Variants in ZFHX3 observed in about 807,000 individuals in gnomAD.
ZFHX3 encodes the protein zinc finger homeobox protein 3.
Under a neutral mutation model 279.1 loss-of-function variants are expected in ZFHX3, and 42 were observed. That is an observed-to-expected ratio of 0.15 (90% CI 0.12 to 0.19). The LOEUF (loss-of-function observed/expected upper bound fraction) is 0.19, where lower values mean the gene tolerates loss of function less well. Ranked by LOEUF, ZFHX3 falls within the 10% of genes least tolerant of loss-of-function variation. The pLI, the probability that ZFHX3 is intolerant of heterozygous loss-of-function variation, is 1.00. For synonymous variants in ZFHX3, 2,293 were observed against 1,957.8 expected (o/e 1.17, Z -4.52); for missense variants, 4,981 against 4,754.0 (o/e 1.05, Z -1.40).
At chr16:73,579,771 A>G (rs2051838625) in intron 2 of ZFHX3, among the ~76,000 whole-genome samples, 1 of 149,044 alleles carries the variant, frequency 6.7e-6, no homozygotes, top group Non-Finnish European at 1.5e-5. Flanking sequence ...CAAAGTGTAT[A>G]AATTTTAATT....
intron 2 of ZFHX3, among the ~76,000 whole-genome samples, chr16:73,589,971 G>C (rs1048090614): frequency 1.3e-5 from 2 of 152,050 alleles, no homozygotes; most frequent in Admixed American, 6.6e-5. Flanking sequence ...CATCTAAATG[G>C]AATGTACTCT....
At chr16:73,535,913 G>A (rs1012827869) in intron 2 of ZFHX3, among the ~76,000 whole-genome samples, 5 of 151,766 alleles carry the variant, frequency 3.3e-5, no homozygotes, top group African/African-American at 4.8e-5. Flanking sequence ...TAGTAGAGAC[G>A]GGGTTTCACC....
At chr16:73,274,519 T>C (rs2014240009) in intron 4 of ZFHX3, among the ~76,000 whole-genome samples, 1 of 152,220 alleles carries the variant, frequency 6.6e-6, no homozygotes, top group South Asian at 2.1e-4. Context: ...TGGAATTTAT[T>C]TGGGTTTATT....
rs574892822 is a variant in ZFHX3 at position 73,891,461 on chromosome 16, C to T, written c.-1608+190G>A. On this transcript the variant is annotated intron_variant, in intron 1 of 17. Coordinates refer to the ZFHX3 transcript ENST00000641206. ...AGCTCCCCCACCCTCCTACCCTCCC[C>T]GATCCATAAAGAAAACAGCTACTGA... Among the ~76,000 whole-genome samples, 100 of 152,032 alleles carry T rather than the reference C, an allele frequency of 6.6e-4. 1 individual carries two copies. Among genetic ancestry groups the T allele is most frequent in the Middle Eastern group, 3.4e-3 (1 of 294 alleles).
chr16:73,409,098 T>C (rs1684256628), intron 3 of ZFHX3, among the ~76,000 whole-genome samples: 1 of 152,202 alleles, frequency 6.6e-6, no homozygotes, highest in South Asian at 2.1e-4. Flanking sequence ...ACTTATCTGC[T>C]ATATTAGCAT....
chr16:73,854,280 C>A (rs896058672), intron 1 of ZFHX3, among the ~76,000 whole-genome samples: 1 of 152,230 alleles, frequency 6.6e-6, no homozygotes, highest in African/African-American at 2.4e-5. Flanking sequence ...AATCCCAGAA[C>A]TATGGGAGGC....
chr16:73,635,590 A>G (rs1176580891), intron 2 of ZFHX3, among the ~76,000 whole-genome samples: 1 of 151,920 alleles, frequency 6.6e-6, no homozygotes, highest in Non-Finnish European at 1.5e-5. Flanking sequence ...CTTTTTCCCT[A>G]TTCTCCTTTC....
chr16:73,868,900 C>G (rs1962097981), intron 1 of ZFHX3, among the ~76,000 whole-genome samples: 1 of 152,052 alleles, frequency 6.6e-6, no homozygotes, highest in African/African-American at 2.4e-5. Flanking sequence ...AGCTATTGAC[C>G]TGCTTTTAAA....
intron 5 of ZFHX3, among the ~76,000 whole-genome samples, chr16:73,255,774 A>G (rs1364070080): frequency 6.6e-6 from 1 of 152,208 alleles, no homozygotes; most frequent in African/African-American, 2.4e-5. Flanking sequence ...CACAATCTGC[A>G]AAGCCTGAAA....
intron 3 of ZFHX3, among the ~76,000 whole-genome samples, chr16:73,369,401 C>G (rs185163055): frequency 3.3e-5 from 5 of 152,222 alleles, no homozygotes; most frequent in Non-Finnish European, 7.3e-5. Context: ...GCATCAGAAT[C>G]TTTGCAAATG....
intron 1 of ZFHX3, among the ~76,000 whole-genome samples, chr16:73,011,699 G>C (rs1456147231): frequency 6.6e-6 from 1 of 151,726 alleles, no homozygotes; most frequent in African/African-American, 2.4e-5. Flanking sequence ...TTCCAGGCTA[G>C]TGACAGAGCA....
At position 72,950,524 on chromosome 16, in the gene ZFHX3, T is replaced by A. The variant is rs750275557; in HGVS notation, c.3161A>T (p.Lys1054Met). 6.2e-7 allele frequency: 1 copy of A among 1,614,242 alleles called. No homozygotes were observed. The highest frequency in any genetic ancestry group is 8.5e-7 in the Non-Finnish European group (1 of 1,180,042). ...ACDYYTNSLEKLRLHTVNSRH... is the reference protein window; with the variant it reads ...ACDYYTNSLEMLRLHTVNSRH... ...GGAGTTGACCGTGTGCAGCCGCAGC[T>A]TCTCCAGGCTGTTGGTGTAGTAGTC... is the stretch of plus-strand genomic sequence containing the variant. The change falls in exon 3 of 10, where the codon AAG becomes ATG. Residue 1054 changes from lysine (K) to methionine (M), a missense_variant. Lys to Met is a moderately conservative substitution (Grantham distance 95). Coordinates refer to ENST00000268489, the MANE Select transcript of ZFHX3 (RefSeq NM_006885.4).
At chr16:72,889,047 G>A (rs370243086) in intron 4 of ZFHX3, among the ~76,000 whole-genome samples, 19 of 152,076 alleles carry the variant, frequency 1.2e-4, no homozygotes, top group African/African-American at 3.4e-4. Flanking sequence ...TATGGAAGGC[G>A]GAGTCATGGG....
intron 4 of ZFHX3, among the ~76,000 whole-genome samples, chr16:72,857,403 T>C (rs976583347): frequency 6.6e-6 from 1 of 152,176 alleles, no homozygotes; most frequent in African/African-American, 2.4e-5. Context: ...AAATAAAGAC[T>C]AAGCTGAGTG....
At chr16:73,721,122 T>C (rs1310094013) in intron 1 of ZFHX3, among the ~76,000 whole-genome samples, 1 of 151,808 alleles carries the variant, frequency 6.6e-6, no homozygotes, top group Non-Finnish European at 1.5e-5. Context: ...TATTTTCTTT[T>C]TCTTTCTTTT....
chr16:73,833,554 T>A (rs1961057012), intron 1 of ZFHX3, among the ~76,000 whole-genome samples: 1 of 151,336 alleles, frequency 6.6e-6, no homozygotes. Context: ...AGTTGAACAA[T>A]GAGAACACAC....
At chr16:73,414,570 A>G (rs559590291) in intron 3 of ZFHX3, among the ~76,000 whole-genome samples, 1 of 152,356 alleles carries the variant, frequency 6.6e-6, no homozygotes, top group South Asian at 2.1e-4. Flanking sequence ...GGTAATTAAG[A>G]GGTAGGATCC....
intron 6 of ZFHX3, among the ~76,000 whole-genome samples, chr16:73,136,725 C>CAAAAAAA (rs397855836): frequency 9.6e-5 from 4 of 41,644 alleles, no homozygotes; most frequent in African/African-American, 1.9e-4. Context: ...GACTCTGCCT[C>CAAAAAAA]AAAAAAAAAA....
intron 5 of ZFHX3, among the ~76,000 whole-genome samples, chr16:73,227,345 A>T (rs1255477392): frequency 6.6e-6 from 1 of 152,202 alleles, no homozygotes; most frequent in Non-Finnish European, 1.5e-5. Context: ...GAGTTTTATA[A>T]TACAGAATAA....
Sources: allele counts gnomAD v4.1 joint callset (sites outside exome capture counted in the v4.1 genomes callset), GRCh38; gene constraint gnomAD v4.1.1; transcripts MANE v1.5; gene names NCBI Gene and HGNC (gene_info 2026-07-23, HGNC 2026-07-21).